The following WASL variants were observed in gnomAD, a reference collection of about 807,000 sequenced individuals.
The protein encoded by WASL is actin nucleation-promoting factor WASL.
In WASL, 20 loss-of-function variants were observed where a neutral mutation model predicts 55.5. The observed-to-expected ratio is 0.36, with a 90% CI of 0.25 to 0.52. The LOEUF is 0.52. Ranked by LOEUF, WASL falls within the 20% of genes least tolerant of loss-of-function variation. The pLI is 0.92. For synonymous variants in WASL, 249 were observed against 217.6 expected (o/e 1.14, Z -1.27); for missense variants, 504 against 622.5 (o/e 0.81, Z 2.03).
At chr7:123,700,469 C>G (rs1287842222) in intron 5 of WASL, among the ~76,000 whole-genome samples, 1 of 149,962 alleles carries the variant, frequency 6.7e-6, no homozygotes, top group Non-Finnish European at 1.5e-5. Context: ...GAGATGGAGT[C>G]TCACTCTCTC....
At chr7:123,717,165 GA>G (rs1422653775) in intron 1 of WASL, among the ~76,000 whole-genome samples, 1 of 152,038 alleles carries the variant, frequency 6.6e-6, no homozygotes, top group East Asian at 1.9e-4. Context: ...AGTGGTTGTA[GA>G]AAGTAAAGGA....
At chr7:123,726,076 A>G (rs1484506676) in intron 1 of WASL, among the ~76,000 whole-genome samples, 2 of 152,218 alleles carry the variant, frequency 1.3e-5, no homozygotes, top group Non-Finnish European at 2.9e-5. Context: ...CAGTATTTAG[A>G]TCAATATTCT....
At chr7:123,748,006 G>A (rs930839763) in intron 1 of WASL, among the ~76,000 whole-genome samples, 6 of 152,098 alleles carry the variant, frequency 3.9e-5, no homozygotes, top group African/African-American at 1.2e-4. Flanking sequence ...GTGGGAAGGA[G>A]AGTAGAAACC....
At chr7:123,685,988 T>G (rs905377394) in intron 10 of WASL, among the ~76,000 whole-genome samples, 1 of 149,870 alleles carries the variant, frequency 6.7e-6, no homozygotes, top group Non-Finnish European at 1.5e-5. Flanking sequence ...CCAGTAAGAC[T>G]AGGTGACATA....
At chr7:123,688,104 C>T (rs1803324672) in intron 10 of WASL, among the ~76,000 whole-genome samples, 1 of 152,090 alleles carries the variant, frequency 6.6e-6, no homozygotes, top group Admixed American at 6.5e-5. Context: ...TTTAGCAAAC[C>T]TCAACTACTC....
chr7:123,708,609 T>A (rs1803707336), intron 2 of WASL, among the ~76,000 whole-genome samples: 1 of 152,080 alleles, frequency 6.6e-6, no homozygotes, highest in Admixed American at 6.6e-5. Context: ...AATATATCTA[T>A]CATGAGAAAC....
rs770816077 is a variant in WASL, at chr7:123,695,882, A to T, written c.630-17T>A. On this transcript the variant is annotated splice_polypyrimidine_tract_variant and intron_variant, in intron 6 of 10. Coordinates refer to ENST00000223023, the MANE Select transcript of WASL (RefSeq NM_003941.4). Reference sequence around the variant, plus strand: ...CCAATGTGCCTGAAGTAGAAAATAGAAAAAAAATAGAAAAACAAAATGCAT... The same window carrying T: ...CCAATGTGCCTGAAGTAGAAAATAGTAAAAAAATAGAAAAACAAAATGCAT... 1 of 1,605,470 alleles carries T rather than the reference A, an allele frequency of 6.2e-7. No individual in the cohort carries two copies.
intron 7 of WASL, among the ~76,000 whole-genome samples, chr7:123,695,255 T>C (rs1803473152): frequency 6.6e-6 from 1 of 152,142 alleles, no homozygotes; most frequent in Non-Finnish European, 1.5e-5. Flanking sequence ...CCTTGCACAA[T>C]GCCCAGCACA....
At position 123,706,206 on chromosome 7, in the gene WASL, A is replaced by G. The variant is rs1803666676; in HGVS notation, c.436+71T>C. 13 of 1,374,560 alleles carry G rather than the reference A, an allele frequency of 9.5e-6. No individual in the cohort carries two copies. The South Asian group carries it at 1.7e-4, about 18-fold the overall frequency. 85.1% of individuals were successfully genotyped at this position (1,374,560 alleles called of 1,614,324 possible). On this transcript the variant is annotated intron_variant, in intron 4 of 10. Transcript: ENST00000223023. ...CAGTAAACTTTTATTTACAAAAAAC[A>G]GGAAATGGACCACACTTGCCCCATG...
chr7:123,724,781 A>G (rs544549530), intron 1 of WASL, among the ~76,000 whole-genome samples: 37 of 152,278 alleles, frequency 2.4e-4, no homozygotes, highest in Middle Eastern at 3.4e-3. Context: ...GAATGATGAC[A>G]CTTTTCTTCT....
intron 1 of WASL, among the ~76,000 whole-genome samples, chr7:123,743,817 G>A (rs1051096157): frequency 2.6e-5 from 4 of 152,156 alleles, no homozygotes; most frequent in Admixed American, 6.5e-5. Flanking sequence ...GTTAAGAAAT[G>A]TCCCTGTATT....
intron 1 of WASL, among the ~76,000 whole-genome samples, chr7:123,745,812 T>C (rs551017401): frequency 6.6e-6 from 1 of 152,222 alleles, no homozygotes; most frequent in Non-Finnish European, 1.5e-5. Context: ...AACAAACTTA[T>C]TAGTAGGTCT....
intron 2 of WASL, among the ~76,000 whole-genome samples, chr7:123,707,412 G>A (rs1273892475): frequency 6.6e-6 from 1 of 152,154 alleles, no homozygotes; most frequent in East Asian, 1.9e-4. Flanking sequence ...GAAAGAGACT[G>A]ATAATTAAAA....
chr7:123,735,098 G>C (rs1804203658), intron 1 of WASL, among the ~76,000 whole-genome samples: 1 of 138,640 alleles, frequency 7.2e-6, no homozygotes, highest in African/African-American at 2.7e-5. Context: ...AGAGTAGAGT[G>C]ACTACAATGA....
At chr7:123,741,377 T>A (rs917236486) in intron 1 of WASL, among the ~76,000 whole-genome samples, 3 of 152,224 alleles carry the variant, frequency 2.0e-5, no homozygotes, top group Non-Finnish European at 4.4e-5. Flanking sequence ...TCATTATGTG[T>A]TGTTTCACCT....
intron 1 of WASL, among the ~76,000 whole-genome samples, chr7:123,742,595 T>C (rs1226555812): frequency 6.6e-6 from 1 of 152,184 alleles, no homozygotes; most frequent in Non-Finnish European, 1.5e-5. Context: ...CTAGATGGAA[T>C]TGGTTAACAA....
At chr7:123,710,001 C>A (rs1244437577) in intron 1 of WASL, among the ~76,000 whole-genome samples, 1 of 152,148 alleles carries the variant, frequency 6.6e-6, no homozygotes, top group Non-Finnish European at 1.5e-5. Flanking sequence ...ATGCAATGGA[C>A]ACTTCAGGGC....
At chr7:123,716,649 A>G (rs1584866214) in intron 1 of WASL, among the ~76,000 whole-genome samples, 1 of 151,584 alleles carries the variant, frequency 6.6e-6, no homozygotes, top group East Asian at 2.0e-4. Flanking sequence ...GAGAGAGGTA[A>G]AGAGAGAGGG....
chr7:123,712,685 C>T (rs1803777554), intron 1 of WASL, among the ~76,000 whole-genome samples: 1 of 152,132 alleles, frequency 6.6e-6, no homozygotes, highest in Non-Finnish European at 1.5e-5. Flanking sequence ...TTCACAACCA[C>T]AGCAATCTTG....
Sources: allele counts gnomAD v4.1 joint callset (sites outside exome capture counted in the v4.1 genomes callset), GRCh38; gene constraint gnomAD v4.1.1; transcripts MANE v1.5; gene names NCBI Gene and HGNC (gene_info 2026-07-23, HGNC 2026-07-21).